The following MYO1C variants were observed in gnomAD, a reference collection of about 807,000 sequenced individuals.
MYO1C encodes myosin IC.
A neutral mutation model predicts 150.8 loss-of-function variants in MYO1C; 104 were observed. The observed-to-expected ratio is 0.69, with a 90% CI of 0.59 to 0.81. The LOEUF (loss-of-function observed/expected upper bound fraction) is 0.81. Among genes scored for constraint, MYO1C ranks in the 30% least tolerant of loss-of-function variants. The probability of loss-of-function intolerance (pLI) is 0.00; values close to 1 mark genes in which losing one functional copy is unlikely to be tolerated. For synonymous variants in MYO1C, 663 were observed against 579.9 expected (o/e 1.14, Z -2.06); for missense variants, 1,504 against 1,435.0 (o/e 1.05, Z -0.78).
chr17:1,465,489 A>C lies in MYO1C; in HGVS notation c.*237T>G. 1 of 401,880 alleles carries C rather than the reference A, an allele frequency of 2.5e-6. No individual in the cohort carries two copies. Among genetic ancestry groups the C allele is most frequent in the Non-Finnish European group, 4.4e-6 (1 of 228,536 alleles). 24.9% of individuals were successfully genotyped at this position (401,880 alleles called of 1,614,324 possible). A position where few individuals can be genotyped will look rare whatever the true frequency, so the allele number is the denominator to read the frequency against. On this transcript the variant is annotated 3_prime_UTR_variant, in exon 32 of 32. Coordinates refer to ENST00000648651, the MANE Select transcript of MYO1C (RefSeq NM_001080779.2). ...ATTTGGCATCGGCAGTAGGGCTGGC[A>C]TGGCTCGCTCTGGCCCTGGCTTTCC...
chr17:1,491,748 G>GGCCCCGCCCC, intron 1 of MYO1C: 1 of 676,768 alleles, frequency 1.5e-6, no homozygotes, highest in Non-Finnish European at 1.8e-6. Context: ...CGCACCCTCC[G>GGCCCCGCCCC]GCCCCGCCCC....
At chr17:1,471,194 C>G (rs534225037) in intron 20 of MYO1C, 29 bp downstream of exon 20, 6 of 1,613,786 alleles carry the variant, frequency 3.7e-6, no homozygotes, top group Non-Finnish European at 5.1e-6. Context: ...TCCCATTCCC[C>G]GCAGGCACCC....
Position 1,467,354 on chromosome 17 carries a change from G to C in MYO1C, c.3066-13C>G. 1.9e-6 allele frequency: 3 copies of C among 1,608,490 alleles called. No homozygotes were observed. The South Asian group carries it at 3.3e-5, about 18-fold the overall frequency. On this transcript the variant is annotated splice_polypyrimidine_tract_variant and intron_variant, in intron 30 of 31. Coordinates refer to ENST00000648651, the MANE Select transcript of MYO1C (RefSeq NM_001080779.2). ...TGCAAACGTGATGCTGGGGGAACGG[G>C]GTGGGTGAGGGTTTTTCCATGGAGG...
rs961470747 is a variant in MYO1C, at chr17:1,469,619, G to A, written c.2527-5C>T. 3.1e-6 allele frequency: 5 copies of A among 1,608,448 alleles called. No individual in the cohort carries two copies. In the Admixed American group the frequency reaches 8.4e-5, roughly 27 times the overall value. On this transcript the variant is annotated splice_region_variant and splice_polypyrimidine_tract_variant and intron_variant, in intron 24 of 31. Transcript: ENST00000648651. ...CTCCCGCAGAAGCTCTGAGGCCTAAGGGGAGGAGTGAGGTCAGAGGTCCTG... is the reference window on the plus strand; with the variant it reads ...CTCCCGCAGAAGCTCTGAGGCCTAAAGGGAGGAGTGAGGTCAGAGGTCCTG...
chr17:1,476,361 T>G (rs554878486), intron 14 of MYO1C, among the ~76,000 whole-genome samples: 2 of 152,112 alleles, frequency 1.3e-5, no homozygotes, highest in Non-Finnish European at 2.9e-5. Context: ...TTAATAGAGA[T>G]AGGGTTTCAC....
chr17:1,484,540 G>A (rs1394127056), intron 1 of MYO1C: 4 of 606,926 alleles, frequency 6.6e-6, no homozygotes, highest in African/African-American at 1.8e-5. Context: ...AGGGATCACC[G>A]AGGCTGCGGG....
chr17:1,484,339 A>G, intron 1 of MYO1C, 36 bp from the exon 2 acceptor site: 1 of 1,603,458 alleles, frequency 6.2e-7, no homozygotes, highest in Non-Finnish European at 8.5e-7. Flanking sequence ...GGTCAGAGTC[A>G]TCGGGGGCGG....
At chr17:1,492,120 C>G in intron 1 of MYO1C, 1 of 458,376 alleles carries the variant, frequency 2.2e-6, no homozygotes, top group East Asian at 4.4e-5. Context: ...CCTTCGACCT[C>G]ACAGCAGCCG....
At chr17:1,474,779 A>ACCCCCCCCCCCCCCCCC in intron 16 of MYO1C, 33 bp downstream of exon 16, 1 of 969,132 alleles carries the variant, frequency 1.0e-6, no homozygotes, top group Non-Finnish European at 1.6e-6. Context: ...GGCTATCCCC[A>ACCCCCCCCCCCCCCCCC]CCCCCACCCC....
chr17:1,490,704 C>A (rs1381872741), intron 1 of MYO1C, among the ~76,000 whole-genome samples: 1 of 152,130 alleles, frequency 6.6e-6, no homozygotes, highest in African/African-American at 2.4e-5. Flanking sequence ...ATGATTCACA[C>A]TCACTGCTGC....
rs772921553 is a variant in MYO1C at position 1,467,996 on chromosome 17, T to G, written c.2888A>C (p.Asn963Thr). The G allele has an allele frequency of 3.1e-6, 5 of 1,612,528 alleles. No homozygotes were observed. Among genetic ancestry groups the G allele is most frequent in the Non-Finnish European group, 4.2e-6 (5 of 1,179,708 alleles). ...AKVKQRIDYA[N>T]LTGISVSSLS... ...CCTGGACCCTGGCTGACCGGTCAGGTTGGCGTAATCAATCCTCTGCTTGAC... is the reference window on the plus strand; with the variant it reads ...CCTGGACCCTGGCTGACCGGTCAGGGTGGCGTAATCAATCCTCTGCTTGAC... Residue 963 changes from asparagine (N) to threonine (T), a missense_variant, in exon 28 of 32, where the codon AAC becomes ACC. By Grantham distance (65) the Asn-to-Thr change is moderately conservative. Transcript: ENST00000648651.
intron 14 of MYO1C, among the ~76,000 whole-genome samples, chr17:1,476,964 G>A (rs562130743): frequency 1.3e-5 from 2 of 150,554 alleles, no homozygotes; most frequent in Non-Finnish European, 3.0e-5. Context: ...TCAGCCTCCC[G>A]AGTAGCTGGG....
intron 1 of MYO1C, chr17:1,485,252 G>A: frequency 8.6e-7 from 1 of 1,163,016 alleles, no homozygotes; most frequent in Non-Finnish European, 1.1e-6. Context: ...TCCAAAAAAT[G>A]GACACCCAGA....
intron 24 of MYO1C, 37 bp from the exon 25 acceptor site, chr17:1,469,651 C>A: frequency 6.6e-7 from 1 of 1,517,210 alleles, no homozygotes; most frequent in Non-Finnish European, 9.1e-7. Flanking sequence ...CCTGGACACC[C>A]TGGGCCCTTC....
chr17:1,472,914 G>A (rs533653292), intron 17 of MYO1C, among the ~76,000 whole-genome samples: 2 of 152,106 alleles, frequency 1.3e-5, no homozygotes, highest in African/African-American at 4.8e-5. Context: ...GAACGAGGGG[G>A]CCGGAGCCGG....
In MYO1C at chr17:1,484,224, A is replaced by C. The variant is rs766457510; in HGVS notation, c.155T>G (p.Val52Gly). The C allele has an allele frequency of 2.5e-6, 4 of 1,612,974 alleles. No homozygotes were observed. The change falls in exon 2 of 32, where the codon GTG becomes GGG. Residue 52 changes from valine (V) to glycine (G), a missense_variant. Physicochemically the swap from Val to Gly is moderately radical, Grantham distance 109. Coordinates refer to ENST00000648651, the MANE Select transcript of MYO1C (RefSeq NM_001080779.2). The part of the protein sequence containing the change: ...ARDRVGVQDF[V>G]LLENFTSEAA... ...CTCGCTGGTGAAGTTCTCCAGCAGC[A>C]CGAAATCCTGCACCCCCACCCGGTC... is the stretch of plus-strand genomic sequence containing the variant.
At position 1,478,065 on chromosome 17, in the gene MYO1C, G is replaced by C; in HGVS notation, c.1401+22C>G. On this transcript the variant is annotated intron_variant, in intron 12 of 31. Coordinates refer to ENST00000648651, the MANE Select transcript of MYO1C (RefSeq NM_001080779.2). This position sits in a 1 kb window ranked among gnomAD's most constrained non-coding sequence, Gnocchi z 6.3. ...CCAGGCTCCCCGTGGCCCACGGAGA[G>C]TGCCCCCAGGCTAGCACACACCGCG... 1.9e-6 allele frequency: 3 copies of C among 1,613,614 alleles called. No homozygotes were observed. The highest frequency in any genetic ancestry group is 2.5e-6 in the Non-Finnish European group (3 of 1,179,628).
rs750516121 is a variant in MYO1C, at chr17:1,477,571, TC to T, written c.1507del (p.Glu503ArgfsTer5). On this transcript the variant is annotated frameshift_variant, in exon 14 of 32. Transcript: ENST00000648651. LOFTEE classifies it high-confidence loss of function. ...CTCCAGGAAGGTCAGGTCTGTGGCC[TC>T]CCCGGGGCGCAGACACTCCTCATCC... ...ILDEECLRPG[E>X]ATDLTFLEKL... 2 of 1,613,108 alleles carry T rather than the reference TC, an allele frequency of 1.2e-6. No homozygotes were observed. Among genetic ancestry groups the T allele is most frequent in the Non-Finnish European group, 1.7e-6 (2 of 1,179,916 alleles).
At position 1,470,628 on chromosome 17, in the gene MYO1C, C is replaced by A. The variant is rs141287580; in HGVS notation, c.2274G>T (p.Lys758Asn). 5.6e-4 allele frequency: 903 copies of A among 1,611,582 alleles called. 3 individuals carry two copies. The highest frequency in any genetic ancestry group is 5.1e-5 in the Non-Finnish European group (60 of 1,179,574). The change falls in exon 22 of 32, where the codon AAG becomes AAT. Residue 758 changes from lysine (K) to asparagine (N), a missense_variant. Transcript: ENST00000648651. ...ACCCATGGGCCCGCGAACCTGATCT[C>A]TTCACCCGGAGGAATTTCTGCCGCC... The part of the protein sequence containing the change: ...FHWRQKFLRV[K>N]RSAICIQSWW...
Sources: gnomAD v4.1 joint callset for allele counts (sites outside exome capture counted in the v4.1 genomes callset) on GRCh38, gnomAD v4.1.1 for gene constraint, Gnocchi (gnomAD v3.1) non-coding constraint, MANE v1.5 for transcripts, NCBI Gene and HGNC (gene_info 2026-07-23, HGNC 2026-07-21) for gene names.